The following SSBP2 variants were observed in gnomAD, a reference collection of about 807,000 sequenced individuals.
The protein encoded by SSBP2 is single-stranded DNA-binding protein 2.
SSBP2 carries 17 observed loss-of-function variants against 61.8 expected under a neutral mutation model. The ratio of observed to expected loss-of-function variants is 0.28; its 90% CI spans 0.19 to 0.41. The LOEUF is 0.41. Ranked by LOEUF, SSBP2 falls within the 10% of genes least tolerant of loss-of-function variation. SSBP2 has a pLI of 1.00. For missense variants in SSBP2, 310 were observed against 458.7 expected (o/e 0.68, Z 2.96); for synonymous variants, 139 against 141.3 (o/e 0.98, Z 0.12).
intron 4 of SSBP2, among the ~76,000 whole-genome samples, chr5:81,599,060 T>G (rs76475195): frequency 0.013 from 1,934 of 152,222 alleles, 39 homozygotes; most frequent in African/African-American, 0.044. Context: ...GTAACAGTCT[T>G]AAATCATCTA....
At chr5:81,575,633 T>C (rs905894378) in intron 4 of SSBP2, among the ~76,000 whole-genome samples, 1 of 151,790 alleles carries the variant, frequency 6.6e-6, no homozygotes, top group Non-Finnish European at 1.5e-5. Context: ...GAAGAATACA[T>C]AGAAAATAGT....
At chr5:81,613,067 G>C (rs1443492526) in intron 4 of SSBP2, among the ~76,000 whole-genome samples, 1 of 151,930 alleles carries the variant, frequency 6.6e-6, no homozygotes, top group African/African-American at 2.4e-5. Context: ...AATCATGTAG[G>C]TCAAACTCTA....
chr5:81,671,879 G>A (rs190238774), intron 1 of SSBP2, among the ~76,000 whole-genome samples: 27 of 152,220 alleles, frequency 1.8e-4, no homozygotes, highest in African/African-American at 6.0e-4. Flanking sequence ...AGGAATTAAG[G>A]GAAATGGGAT....
At chr5:81,445,132 A>T in intron 12 of SSBP2, among the ~76,000 whole-genome samples, 1 of 97,768 alleles carries the variant, frequency 1.0e-5, no homozygotes, top group African/African-American at 4.1e-5. Flanking sequence ...AAAGAAAAAA[A>T]AAATTTTATA....
chr5:81,615,602 A>C (rs1326998935), intron 3 of SSBP2, 45 bp from the exon 4 acceptor site: 1 of 1,239,726 alleles, frequency 8.1e-7, no homozygotes, highest in Non-Finnish European at 1.2e-6. Context: ...ATACAACACC[A>C]ATATGAGAAA....
At chr5:81,432,406 G>A (rs1303302734) in intron 15 of SSBP2, among the ~76,000 whole-genome samples, 1 of 152,192 alleles carries the variant, frequency 6.6e-6, no homozygotes, top group Non-Finnish European at 1.5e-5. Context: ...ATAAATGTGA[G>A]ATATGTTAAT....
At chr5:81,455,908 T>C (rs1038724049) in intron 10 of SSBP2, among the ~76,000 whole-genome samples, 4 of 152,152 alleles carry the variant, frequency 2.6e-5, no homozygotes, top group African/African-American at 9.7e-5. Flanking sequence ...ATACCCATGA[T>C]TGTGGTGCTG....
At chr5:81,506,578 C>T (rs1194991578) in intron 5 of SSBP2, among the ~76,000 whole-genome samples, 1 of 151,946 alleles carries the variant, frequency 6.6e-6, no homozygotes, top group Non-Finnish European at 1.5e-5. Context: ...ATTTCTGAAA[C>T]AACCATAGTC....
intron 4 of SSBP2, 81 bp from the exon 5 acceptor site, chr5:81,513,798 G>A (rs1319395929): frequency 4.7e-6 from 4 of 848,950 alleles, no homozygotes; most frequent in Non-Finnish European, 1.9e-6. Flanking sequence ...TAGATTGCAG[G>A]ACGGGATGCT....
chr5:81,609,614 T>A (rs1745246536), intron 4 of SSBP2, among the ~76,000 whole-genome samples: 1 of 152,120 alleles, frequency 6.6e-6, no homozygotes. Flanking sequence ...TGACAGTGCA[T>A]CCCTGGTGAA....
At chr5:81,435,082 G>A (rs1175988654) in intron 15 of SSBP2, among the ~76,000 whole-genome samples, 2 of 152,176 alleles carry the variant, frequency 1.3e-5, no homozygotes, top group African/African-American at 4.8e-5. Context: ...GAAATGAGAT[G>A]CGTAGGAACT....
intron 14 of SSBP2, among the ~76,000 whole-genome samples, chr5:81,438,005 T>C (rs1024221340): frequency 1.3e-5 from 2 of 152,194 alleles, no homozygotes; most frequent in Non-Finnish European, 2.9e-5. Context: ...ATTATATTTT[T>C]ATTTTGATCC....
At chr5:81,711,575 C>G (rs903058654) in intron 1 of SSBP2, among the ~76,000 whole-genome samples, 26 of 151,938 alleles carry the variant, frequency 1.7e-4, no homozygotes, top group African/African-American at 6.3e-4. Context: ...CCAGAAAAGT[C>G]TAAGGTAACA....
intron 4 of SSBP2, among the ~76,000 whole-genome samples, chr5:81,526,820 C>T (rs970579920): frequency 1.3e-5 from 2 of 151,626 alleles, no homozygotes; most frequent in African/African-American, 4.8e-5. Context: ...TATATATTTA[C>T]CAGTGTGATA....
chr5:81,571,607 A>G (rs1773848358), intron 4 of SSBP2, among the ~76,000 whole-genome samples: 2 of 152,142 alleles, frequency 1.3e-5, no homozygotes, highest in African/African-American at 4.8e-5. Flanking sequence ...TAAATATAGA[A>G]TTGATTTTAT....
Position 81,504,817 on chromosome 5 carries a change from A to AG in SSBP2, c.372+8810dup, listed in dbSNP as rs200309844. On this transcript the variant is annotated intron_variant, in intron 5 of 16. Coordinates refer to ENST00000320672, the MANE Select transcript of SSBP2 (RefSeq NM_012446.5). ...CTGTAGTGACTCTGGTATGAATGGC[A>AG]GGGGGGCAATATTTGTTGCTAAATA... Among the ~76,000 whole-genome samples the AG allele has an allele frequency of 8.6e-3, 1,317 of 152,310 alleles. 9 individuals carry two copies. The highest frequency in any genetic ancestry group is 0.012 in the Non-Finnish European group (849 of 68,024).
intron 1 of SSBP2, among the ~76,000 whole-genome samples, chr5:81,702,100 C>T (rs891531639): frequency 4.6e-5 from 7 of 152,098 alleles, no homozygotes; most frequent in Admixed American, 1.3e-4. Flanking sequence ...CGGCCAGGCA[C>T]GGCAGCTCAC....
chr5:81,640,237 G>A (rs1439616437), intron 2 of SSBP2, among the ~76,000 whole-genome samples: 5 of 152,110 alleles, frequency 3.3e-5, no homozygotes, highest in African/African-American at 9.7e-5. Context: ...CTACTCAGGA[G>A]GCGGAGGCAG....
At chr5:81,438,622 T>A (rs2153951412) in intron 14 of SSBP2, among the ~76,000 whole-genome samples, 1 of 152,278 alleles carries the variant, frequency 6.6e-6, no homozygotes, top group South Asian at 2.1e-4. Context: ...ATATAATATG[T>A]ACAGTAATGT....
Sources: allele counts gnomAD v4.1 joint callset (sites outside exome capture counted in the v4.1 genomes callset), GRCh38; gene constraint gnomAD v4.1.1; transcripts MANE v1.5; gene names NCBI Gene and HGNC (gene_info 2026-07-23, HGNC 2026-07-21).